FAF1: variants seen among roughly 807,000 people sequenced by gnomAD.
The protein encoded by FAF1 is FAS-associated factor 1.
In FAF1, 25 loss-of-function variants were observed where a neutral mutation model predicts 92.5. That is an observed-to-expected ratio of 0.27 (90% CI 0.20 to 0.38). The LOEUF (loss-of-function observed/expected upper bound fraction) is 0.38. Among genes scored for constraint, FAF1 ranks in the 10% least tolerant of loss-of-function variants. The pLI, the probability that FAF1 is intolerant of heterozygous loss-of-function variation, is 1.00. For synonymous variants in FAF1, 234 were observed against 273.2 expected, an observed-to-expected ratio of 0.86 and a Z score of 1.42; for missense variants, 636 against 793.3, an observed-to-expected ratio of 0.80 and a Z score of 2.38.
intron 7 of FAF1, among the ~76,000 whole-genome samples, chr1:50,673,956 CTT>C (rs111330709): frequency 7.0e-6 from 1 of 143,628 alleles, no homozygotes. Context: ...GACTCTGAGG[CTT>C]TTTTTTTTTT....
At chr1:50,449,031 C>T (rs1277897054) in intron 18 of FAF1, among the ~76,000 whole-genome samples, 19 of 149,670 alleles carry the variant, frequency 1.3e-4, no homozygotes, top group Admixed American at 1.3e-3. Context: ...AAATACATTT[C>T]CCATCTGTAA....
intron 1 of FAF1, among the ~76,000 whole-genome samples, chr1:50,930,848 A>T (rs927860351): frequency 6.6e-6 from 1 of 152,232 alleles, no homozygotes; most frequent in East Asian, 1.9e-4. Flanking sequence ...CAATTTTACA[A>T]TAAGAAAACT....
intron 1 of FAF1, among the ~76,000 whole-genome samples, chr1:50,942,473 G>C (rs1343884476): frequency 1.3e-5 from 2 of 152,036 alleles, no homozygotes; most frequent in African/African-American, 4.8e-5. Context: ...GAAAGGGAGG[G>C]GAAAGGGAAG....
At chr1:50,891,092 T>C (rs1315085) in intron 1 of FAF1, among the ~76,000 whole-genome samples, 73,504 of 152,036 alleles carry the variant, frequency 0.48, 19,701 homozygotes, top group African/African-American at 0.71. Context: ...CTTCCCTTCT[T>C]GCTTAATTTC....
intron 4 of FAF1, among the ~76,000 whole-genome samples, chr1:50,766,160 C>T (rs1262660877): frequency 1.3e-5 from 2 of 152,142 alleles, no homozygotes; most frequent in East Asian, 3.9e-4. Flanking sequence ...AGACCTGTTA[C>T]CCAGAAGCAA....
intron 6 of FAF1, among the ~76,000 whole-genome samples, chr1:50,728,838 G>A (rs902782441): frequency 4.0e-5 from 6 of 150,280 alleles, no homozygotes; most frequent in East Asian, 1.9e-4. Context: ...AGAGTTTTGA[G>A]CAGGGTAGCT....
At chr1:50,626,452 T>C (rs1166037794) in intron 8 of FAF1, among the ~76,000 whole-genome samples, 1 of 152,140 alleles carries the variant, frequency 6.6e-6, no homozygotes, top group African/African-American at 2.4e-5. Context: ...ATAAGAATTA[T>C]ACAGGATATA....
intron 1 of FAF1, among the ~76,000 whole-genome samples, chr1:50,883,738 T>A (rs549199381): frequency 6.6e-5 from 10 of 152,200 alleles, no homozygotes; most frequent in East Asian, 3.9e-4. Context: ...GTAAAAAAAA[T>A]TTTTTCAGCA....
intron 2 of FAF1, among the ~76,000 whole-genome samples, chr1:50,833,167 A>AT (rs1194999457): frequency 1.3e-5 from 2 of 152,068 alleles, no homozygotes; most frequent in African/African-American, 2.4e-5. Context: ...AGTCCACAAG[A>AT]TTGCCCTCAC....
intron 8 of FAF1, among the ~76,000 whole-genome samples, chr1:50,611,477 T>C (rs1382355243): frequency 2.6e-5 from 4 of 152,204 alleles, no homozygotes; most frequent in Non-Finnish European, 5.9e-5. Context: ...GTAGTTAATA[T>C]GGACTGCTGT....
chr1:50,808,887 C>T (rs72690496), intron 2 of FAF1, among the ~76,000 whole-genome samples: 183 of 152,162 alleles, frequency 1.2e-3, no homozygotes, highest in Admixed American at 3.2e-3. Context: ...GCAGCACATC[C>T]AGTAAGGGCA....
chr1:50,648,819 G>A (rs368393172), intron 8 of FAF1, among the ~76,000 whole-genome samples: 2 of 152,116 alleles, frequency 1.3e-5, no homozygotes, highest in Non-Finnish European at 2.9e-5. Flanking sequence ...CCAGCTACTC[G>A]GGAAGCTGAG....
intron 4 of FAF1, among the ~76,000 whole-genome samples, chr1:50,758,669 G>C (rs1403723125): frequency 6.6e-6 from 1 of 152,004 alleles, no homozygotes; most frequent in Non-Finnish European, 1.5e-5. Context: ...GGCTGCCTGG[G>C]TGCTTACTTT....
At chr1:50,451,956 T>C in intron 18 of FAF1, 9 of 1,148,950 alleles carry the variant, frequency 7.8e-6, no homozygotes, top group Non-Finnish European at 9.7e-6. Flanking sequence ...ACAAAAGCTG[T>C]AACCTTCTCC....
chr1:50,744,625 T>C lies in FAF1; in HGVS notation c.459+59A>G, dbSNP rs1243763641. ...ATTAATTAAAACCAATTTTTACATA[T>C]CATTTAATCAATGGCATAACTTAAT... On this transcript the variant is annotated intron_variant, in intron 5 of 18. Transcript: ENST00000396153. The C allele has an allele frequency of 4.4e-6, 5 of 1,131,884 alleles. No individual in the cohort carries two copies. The African/African-American group carries it at 6.2e-5, about 14-fold the overall frequency. 70.1% of individuals were successfully genotyped at this position (1,131,884 alleles called of 1,614,324 possible). A position where few individuals can be genotyped will look rare whatever the true frequency, so the allele number is the denominator to read the frequency against.
At chr1:50,891,976 C>T (rs1359147218) in intron 1 of FAF1, among the ~76,000 whole-genome samples, 2 of 152,186 alleles carry the variant, frequency 1.3e-5, no homozygotes, top group African/African-American at 2.4e-5. Context: ...CAGAGGCAGG[C>T]AGGCCTCCTT....
chr1:50,682,660 A>G (rs1656474496), intron 7 of FAF1, among the ~76,000 whole-genome samples: 1 of 152,232 alleles, frequency 6.6e-6, no homozygotes, highest in African/African-American at 2.4e-5. Flanking sequence ...TATATTTAGT[A>G]TTATATATAC....
intron 2 of FAF1, among the ~76,000 whole-genome samples, chr1:50,832,526 A>C (rs144052430): frequency 6.6e-6 from 1 of 152,364 alleles, no homozygotes; most frequent in East Asian, 1.9e-4. Flanking sequence ...CATATATGAG[A>C]GTTTGACAAA....
At chr1:50,811,460 G>C (rs760357428) in intron 2 of FAF1, among the ~76,000 whole-genome samples, 1 of 152,068 alleles carries the variant, frequency 6.6e-6, no homozygotes, top group Non-Finnish European at 1.5e-5. Flanking sequence ...ACTTACAATA[G>C]CCACAAAGAA....
Sources: gnomAD v4.1 joint callset for allele counts (sites outside exome capture counted in the v4.1 genomes callset) on GRCh38, gnomAD v4.1.1 for gene constraint, MANE v1.5 for transcripts, NCBI Gene and HGNC (gene_info 2026-07-23, HGNC 2026-07-21) for gene names.